The following ACOXL variants were observed in gnomAD, a reference collection of about 807,000 sequenced individuals.
ACOXL encodes acyl-coenzyme A oxidase-like protein.
Under a neutral mutation model 71.9 loss-of-function variants are expected in ACOXL, and 70 were observed. The observed-to-expected ratio is 0.97, with a 90% CI of 0.80 to 1.19. ACOXL has a LOEUF of 1.19. Ranked by LOEUF, ACOXL falls within the 50% of genes most tolerant of loss-of-function variation. The pLI is 0.00. For missense variants in ACOXL, 703 were observed against 736.3 expected, an observed-to-expected ratio of 0.95 and a Z score of 0.52; for synonymous variants, 253 against 281.6, an observed-to-expected ratio of 0.90 and a Z score of 1.02.
At chr2:110,950,233 A>G (rs1257566168) in intron 12 of ACOXL, among the ~76,000 whole-genome samples, 1 of 151,988 alleles carries the variant, frequency 6.6e-6, no homozygotes, top group African/African-American at 2.4e-5. Context: ...TACTGGAAAA[A>G]ATCGCTCCCC....
At chr2:110,903,662 G>A (rs886643206) in intron 10 of ACOXL, among the ~76,000 whole-genome samples, 2 of 152,230 alleles carry the variant, frequency 1.3e-5, no homozygotes, top group African/African-American at 2.4e-5. Flanking sequence ...GAAGAATATT[G>A]TGTCCACATA....
At chr2:110,817,796 T>A (rs1688085077) in intron 9 of ACOXL, among the ~76,000 whole-genome samples, 1 of 152,144 alleles carries the variant, frequency 6.6e-6, no homozygotes, top group African/African-American at 2.4e-5. Flanking sequence ...CATATCTCAT[T>A]TCTTTGTCTA....
chr2:110,867,900 T>C (rs1471376543), intron 10 of ACOXL, among the ~76,000 whole-genome samples: 1 of 151,928 alleles, frequency 6.6e-6, no homozygotes, highest in Non-Finnish European at 1.5e-5. Flanking sequence ...GTAGCTGGGA[T>C]TACAGGTGCC....
chr2:110,949,034 C>A (rs956525636), intron 12 of ACOXL, among the ~76,000 whole-genome samples: 15 of 151,812 alleles, frequency 9.9e-5, no homozygotes, highest in African/African-American at 3.6e-4. Context: ...GCTCCCTATA[C>A]AATTTCTTAA....
chr2:110,838,370 G>C (rs908671448), intron 9 of ACOXL, among the ~76,000 whole-genome samples: 1 of 152,108 alleles, frequency 6.6e-6, no homozygotes, highest in Non-Finnish European at 1.5e-5. Flanking sequence ...GTGTGTGTGC[G>C]CACACACAGG....
intron 11 of ACOXL, among the ~76,000 whole-genome samples, chr2:110,918,765 A>G (rs2059957054): frequency 6.6e-6 from 1 of 152,266 alleles, no homozygotes; most frequent in Admixed American, 6.5e-5. Context: ...ACTTCTCAAA[A>G]GAAGACATTT....
intron 12 of ACOXL, among the ~76,000 whole-genome samples, chr2:110,943,456 C>T (rs1396990883): frequency 6.6e-6 from 1 of 152,096 alleles, no homozygotes; most frequent in South Asian, 2.1e-4. Flanking sequence ...CTAGAGCCCA[C>T]GGTGATATGG....
chr2:111,110,533 T>C (rs1387841697), intron 17 of ACOXL, among the ~76,000 whole-genome samples: 2 of 152,312 alleles, frequency 1.3e-5, no homozygotes, highest in South Asian at 2.1e-4. Flanking sequence ...GCCAAGTGTT[T>C]GTTTCTGTGC....
chr2:110,806,085 G>T (rs959295931), intron 9 of ACOXL, among the ~76,000 whole-genome samples: 1 of 152,270 alleles, frequency 6.6e-6, no homozygotes, highest in African/African-American at 2.4e-5. Flanking sequence ...CTTGAGTCCA[G>T]CTTTTCCATG....
At chr2:110,930,837 T>C (rs1234239813) in intron 11 of ACOXL, among the ~76,000 whole-genome samples, 1 of 152,222 alleles carries the variant, frequency 6.6e-6, no homozygotes, top group East Asian at 1.9e-4. Context: ...GCCTTTTGCC[T>C]TCCATCATGA....
intron 10 of ACOXL, among the ~76,000 whole-genome samples, chr2:110,860,819 C>T (rs992173648): frequency 6.6e-6 from 1 of 152,198 alleles, no homozygotes; most frequent in Non-Finnish European, 1.5e-5. Context: ...GGCAGCCGGG[C>T]TTATCTGCAT....
chr2:110,933,753 T>G (rs968987836), intron 12 of ACOXL, 111 bp downstream of exon 12: 1 of 1,340,010 alleles, frequency 7.5e-7, no homozygotes, highest in African/African-American at 1.5e-5. Flanking sequence ...AAATCCCAAC[T>G]GCCCATGACT....
At chr2:111,041,746 C>T (rs560585546) in intron 15 of ACOXL, among the ~76,000 whole-genome samples, 5 of 152,184 alleles carry the variant, frequency 3.3e-5, no homozygotes, top group Non-Finnish European at 5.9e-5. Context: ...ACAGGGAGTC[C>T]GTGGGCTCCA....
In ACOXL at chr2:111,000,422, AC is replaced by A. The variant is rs2063571554; in HGVS notation, c.1281+4420del. On this transcript the variant is annotated intron_variant, in intron 14 of 17. Transcript: ENST00000439055. ...AAGGAAAGAGCTTTTAATATGCAGGACCTGGCAGTTAATATGGTTTTGAAGA... is the reference window on the plus strand; with the variant it reads ...AAGGAAAGAGCTTTTAATATGCAGGACTGGCAGTTAATATGGTTTTGAAGA... Among the ~76,000 whole-genome samples the A allele has an allele frequency of 2.0e-5, 3 of 152,298 alleles. No individual in the cohort carries two copies. The South Asian group carries it at 6.2e-4, about 32-fold the overall frequency.
intron 1 of ACOXL, among the ~76,000 whole-genome samples, chr2:110,744,369 G>A (rs1021451693): frequency 6.6e-5 from 10 of 152,212 alleles, no homozygotes; most frequent in Non-Finnish European, 1.5e-4. Context: ...GGCAAAAAAT[G>A]TAGAGAGGAC....
At chr2:110,761,332 A>G (rs1435121183) in intron 1 of ACOXL, among the ~76,000 whole-genome samples, 7 of 152,020 alleles carry the variant, frequency 4.6e-5, no homozygotes, top group South Asian at 2.1e-4. Context: ...TTGCATACCC[A>G]TTGACTGGTT....
intron 17 of ACOXL, among the ~76,000 whole-genome samples, chr2:111,095,447 C>T (rs2068754464): frequency 6.9e-6 from 1 of 145,648 alleles, no homozygotes; most frequent in Non-Finnish European, 1.5e-5. Flanking sequence ...GCTGGAGTGC[C>T]GTGTCATGAT....
At chr2:110,993,001 A>T (rs569973627) in intron 13 of ACOXL, among the ~76,000 whole-genome samples, 1 of 152,238 alleles carries the variant, frequency 6.6e-6, no homozygotes, top group African/African-American at 2.4e-5. Flanking sequence ...CTATATCACT[A>T]TCATATCTAT....
intron 14 of ACOXL, among the ~76,000 whole-genome samples, chr2:111,009,606 C>T (rs1239555054): frequency 2.0e-5 from 3 of 151,946 alleles, no homozygotes; most frequent in Non-Finnish European, 4.4e-5. Context: ...AGAAAGAAGC[C>T]GCAGAGAGGG....
Sources: allele counts gnomAD v4.1 joint callset (sites outside exome capture counted in the v4.1 genomes callset), GRCh38; gene constraint gnomAD v4.1.1; transcripts MANE v1.5; gene names NCBI Gene and HGNC (gene_info 2026-07-23, HGNC 2026-07-21).